ZCWPW2: variants seen among roughly 807,000 people sequenced by gnomAD.
The protein encoded by ZCWPW2 is zinc finger CW-type and PWWP domain containing 2.
ZCWPW2 carries 45 observed loss-of-function variants against 46.6 expected under a neutral mutation model. That is an observed-to-expected ratio of 0.96 (90% CI 0.76 to 1.24). ZCWPW2 has a LOEUF of 1.24. Ranked by LOEUF, ZCWPW2 falls within the 50% of genes most tolerant of loss-of-function variation. The pLI is 0.00. For missense variants in ZCWPW2, 429 were observed against 403.9 expected, an observed-to-expected ratio of 1.06 and a Z score of -0.53; for synonymous variants, 152 against 137.1, an observed-to-expected ratio of 1.11 and a Z score of -0.76.
rs1017341116 is a variant in ZCWPW2 at position 28,431,231 on chromosome 3, A to G, written c.333-3879A>G. Among the ~76,000 whole-genome samples the G allele has an allele frequency of 2.0e-5, 3 of 151,996 alleles. No individual in the cohort carries two copies. In the East Asian group the frequency reaches 5.8e-4, roughly 29 times the overall value. Reference sequence around the variant, plus strand: ...AATGAAGCAAATATATCTTTGTATCATTTTTCCTCCTCTCAGTTGTACCAA... The same window carrying G: ...AATGAAGCAAATATATCTTTGTATCGTTTTTCCTCCTCTCAGTTGTACCAA... On this transcript the variant is annotated intron_variant, in intron 3 of 9. Coordinates refer to ENST00000383768, the MANE Select transcript of ZCWPW2 (RefSeq NM_001040432.4).
chr3:28,450,198 C>G (rs12491905), intron 4 of ZCWPW2, among the ~76,000 whole-genome samples: 34,927 of 152,064 alleles, frequency 0.23, 4,247 homozygotes, highest in Admixed American at 0.28. Flanking sequence ...TTTATCCCTA[C>G]TAGTGTAGTA....
chr3:28,504,354 G>A (rs1335147448), intron 6 of ZCWPW2, among the ~76,000 whole-genome samples: 1 of 151,750 alleles, frequency 6.6e-6, no homozygotes, highest in Non-Finnish European at 1.5e-5. Context: ...TTGTGCTATT[G>A]TGGAGAGTCT....
intron 2 of ZCWPW2, among the ~76,000 whole-genome samples, chr3:28,406,722 G>A (rs1696175853): frequency 6.6e-6 from 1 of 151,930 alleles, no homozygotes; most frequent in Non-Finnish European, 1.5e-5. Context: ...ACCCTCGCCT[G>A]CTATGACCTT....
chr3:28,379,166 A>G (rs1233524939), intron 1 of ZCWPW2, among the ~76,000 whole-genome samples: 1 of 152,200 alleles, frequency 6.6e-6, no homozygotes, highest in African/African-American at 2.4e-5. Flanking sequence ...AACAAAGAAA[A>G]TAGAATCAAG....
At chr3:28,433,547 A>T (rs987435440) in intron 3 of ZCWPW2, among the ~76,000 whole-genome samples, 1 of 152,154 alleles carries the variant, frequency 6.6e-6, no homozygotes, top group Non-Finnish European at 1.5e-5. Context: ...CGGGCGGATC[A>T]CTTGAGGTCA....
In ZCWPW2 at chr3:28,525,640, A is replaced by G. The variant is rs1700829674; in HGVS notation, c.*952A>G. ...GTGAGTTGCCTCATATTGCTTTAAC[A>G]AGGAGGCAGCACATGTCTAGATATT... is the stretch of plus-strand genomic sequence containing the variant. On this transcript the variant is annotated 3_prime_UTR_variant, in exon 10 of 10. Coordinates refer to ENST00000383768, the MANE Select transcript of ZCWPW2 (RefSeq NM_001040432.4). 1.3e-5 allele frequency among the ~76,000 whole-genome samples: 2 copies of G among 152,168 alleles called. No individual in the cohort carries two copies. The highest frequency in any genetic ancestry group is 4.1e-4 in the South Asian group (2 of 4,832).
intron 1 of ZCWPW2, among the ~76,000 whole-genome samples, chr3:28,367,635 G>C (rs892041031): frequency 6.6e-6 from 1 of 152,204 alleles, no homozygotes; most frequent in Admixed American, 6.5e-5. Context: ...ATTTGGGGTG[G>C]AGAGTTCTGT....
intron 4 of ZCWPW2, among the ~76,000 whole-genome samples, chr3:28,468,609 C>T (rs1380385297): frequency 2.0e-5 from 3 of 152,104 alleles, no homozygotes; most frequent in Non-Finnish European, 4.4e-5. Flanking sequence ...CTCCGATATA[C>T]CTGTCAGCAA....
At chr3:28,360,555 C>T (rs551621698) in intron 1 of ZCWPW2, among the ~76,000 whole-genome samples, 152 of 149,934 alleles carry the variant, frequency 1.0e-3, no homozygotes, top group Non-Finnish European at 1.9e-3. Context: ...TTGTATGCAT[C>T]TAAAGAAACA....
At chr3:28,498,158 A>T (rs1057241483) in intron 6 of ZCWPW2, among the ~76,000 whole-genome samples, 1 of 151,914 alleles carries the variant, frequency 6.6e-6, no homozygotes, top group South Asian at 2.1e-4. Context: ...TACCCAGCTG[A>T]TGGTGTTACC....
At chr3:28,469,735 G>GTA (rs777148544) in intron 4 of ZCWPW2, among the ~76,000 whole-genome samples, 9 of 150,712 alleles carry the variant, frequency 6.0e-5, no homozygotes, top group Admixed American at 3.3e-4. Flanking sequence ...ATATATATAT[G>GTA]TATATATATA....
intron 1 of ZCWPW2, among the ~76,000 whole-genome samples, chr3:28,370,709 T>G (rs1252910796): frequency 2.0e-5 from 3 of 152,298 alleles, no homozygotes; most frequent in Non-Finnish European, 2.9e-5. Flanking sequence ...GAACTTACTC[T>G]GCTAATTTTC....
Position 28,472,623 on chromosome 3 carries a change from A to G in ZCWPW2, c.493-6191A>G, listed in dbSNP as rs149167174. On this transcript the variant is annotated intron_variant, in intron 4 of 9. Coordinates refer to ENST00000383768, the MANE Select transcript of ZCWPW2 (RefSeq NM_001040432.4). ...GACCTCAAACTATGAAACTACTACA[A>G]GAAAACTTTGGGGAAACTCACCAGG... is the stretch of plus-strand genomic sequence containing the variant. Among the ~76,000 whole-genome samples the G allele has an allele frequency of 2.5e-3, 386 of 152,360 alleles. 1 individual carries two copies. Among genetic ancestry groups the G allele is most frequent in the African/African-American group, 8.4e-3 (350 of 41,584 alleles).
intron 5 of ZCWPW2, among the ~76,000 whole-genome samples, chr3:28,481,346 C>A (rs13066118): frequency 6.6e-6 from 1 of 151,928 alleles, no homozygotes; most frequent in Non-Finnish European, 1.5e-5. Context: ...TGGGTTCTAG[C>A]AATTCTCCTG....
chr3:28,406,817 CTT>C (rs1013096764), intron 2 of ZCWPW2, among the ~76,000 whole-genome samples: 1 of 131,024 alleles, frequency 7.6e-6, no homozygotes, highest in South Asian at 2.3e-4. Context: ...ATTTCCTTTT[CTT>C]TTTTTTCTTT....
intron 4 of ZCWPW2, 85 bp downstream of exon 4, chr3:28,435,354 T>A: frequency 7.3e-7 from 1 of 1,371,558 alleles, no homozygotes; most frequent in Non-Finnish European, 9.8e-7. Flanking sequence ...AAAATATGTA[T>A]AAGTTGCTTT....
At chr3:28,472,066 G>A (rs144107245) in intron 4 of ZCWPW2, among the ~76,000 whole-genome samples, 2 of 152,170 alleles carry the variant, frequency 1.3e-5, no homozygotes, top group South Asian at 2.1e-4. Context: ...ATTGATGCAA[G>A]AAATTGGAGG....
At chr3:28,459,400 C>T (rs973064814) in intron 4 of ZCWPW2, among the ~76,000 whole-genome samples, 1 of 151,570 alleles carries the variant, frequency 6.6e-6, no homozygotes, top group Admixed American at 6.6e-5. Context: ...AAACAAAAAA[C>T]GTATTCTTGA....
intron 1 of ZCWPW2, among the ~76,000 whole-genome samples, chr3:28,389,079 G>T (rs1007249258): frequency 6.6e-6 from 1 of 152,118 alleles, no homozygotes; most frequent in Non-Finnish European, 1.5e-5. Flanking sequence ...AATCATTGTT[G>T]TGTCTCCTAG....
Sources: gnomAD v4.1 joint callset for allele counts (sites outside exome capture counted in the v4.1 genomes callset) on GRCh38, gnomAD v4.1.1 for gene constraint, MANE v1.5 for transcripts, NCBI Gene and HGNC (gene_info 2026-07-23, HGNC 2026-07-21) for gene names.